CSMD1: variants seen among roughly 807,000 people sequenced by gnomAD.
CSMD1 encodes the protein CUB and sushi domain-containing protein 1.
In CSMD1, 213 loss-of-function variants were observed where a neutral mutation model predicts 417.5. The ratio of observed to expected loss-of-function variants is 0.51; its 90% CI spans 0.46 to 0.57. The LOEUF (loss-of-function observed/expected upper bound fraction) is 0.57, where lower values mean the gene tolerates loss of function less well. Among genes scored for constraint, CSMD1 ranks in the 20% least tolerant of loss-of-function variants. CSMD1 has a pLI of 0.00. For missense variants in CSMD1, 6,923 were observed against 4,529.7 expected, an observed-to-expected ratio of 1.53 and a Z score of -15.17; for synonymous variants, 2,862 against 1,736.8, an observed-to-expected ratio of 1.65 and a Z score of -16.11.
At position 4,355,438 on chromosome 8, in the gene CSMD1, T is replaced by C. The variant is rs534843154; in HGVS notation, c.415+64515A>G. Among the ~76,000 whole-genome samples the C allele has an allele frequency of 1.7e-4, 26 of 152,214 alleles. 1 individual carries two copies. The highest frequency in any genetic ancestry group is 6.0e-4 in the African/African-American group (25 of 41,526). ...CGAATTCAGGTATCTTCTTTATGTG[T>C]TTGCATGTAGGAAAGCATAAATAGC... On this transcript the variant is annotated intron_variant, in intron 3 of 69. Transcript: ENST00000635120.
At chr8:4,339,185 C>T (rs547653600) in intron 3 of CSMD1, among the ~76,000 whole-genome samples, 1 of 152,122 alleles carries the variant, frequency 6.6e-6, no homozygotes, top group Admixed American at 6.6e-5. Context: ...GCTTTATCTC[C>T]TTCAAAGGAG....
intron 2 of CSMD1, among the ~76,000 whole-genome samples, chr8:4,597,988 T>C (rs759015453): frequency 2.0e-5 from 3 of 151,426 alleles, no homozygotes; most frequent in Non-Finnish European, 4.4e-5. Context: ...TTTATTTTTA[T>C]ATAAATTATA....
chr8:3,858,103 A>T (rs1228087431), intron 5 of CSMD1, among the ~76,000 whole-genome samples: 1 of 152,246 alleles, frequency 6.6e-6, no homozygotes, highest in African/African-American at 2.4e-5. Flanking sequence ...GAATTTTAAT[A>T]ACATAGTCAA....
At chr8:3,711,093 C>A (rs1188745428) in intron 6 of CSMD1, among the ~76,000 whole-genome samples, 1 of 152,152 alleles carries the variant, frequency 6.6e-6, no homozygotes, top group Non-Finnish European at 1.5e-5. Flanking sequence ...GCTATATTTC[C>A]TATAGCAATA....
At chr8:3,010,200 C>A (rs1244871076) in intron 52 of CSMD1, among the ~76,000 whole-genome samples, 1 of 152,220 alleles carries the variant, frequency 6.6e-6, no homozygotes, top group Non-Finnish European at 1.5e-5. Context: ...CTTCAGGTTT[C>A]TCCTACAATA....
At chr8:4,470,012 C>A (rs572729502) in intron 2 of CSMD1, among the ~76,000 whole-genome samples, 2 of 151,890 alleles carry the variant, frequency 1.3e-5, no homozygotes, top group Non-Finnish European at 2.9e-5. Context: ...GGATTACAGG[C>A]GCCCGCTAAC....
intron 52 of CSMD1, among the ~76,000 whole-genome samples, chr8:3,008,678 T>C (rs1356156350): frequency 6.6e-6 from 1 of 152,140 alleles, no homozygotes; most frequent in Non-Finnish European, 1.5e-5. Flanking sequence ...CAAAGCTGTG[T>C]TTTAGAGGAG....
At chr8:3,034,257 T>A (rs1473476927) in intron 50 of CSMD1, among the ~76,000 whole-genome samples, 1 of 152,224 alleles carries the variant, frequency 6.6e-6, no homozygotes, top group Non-Finnish European at 1.5e-5. Flanking sequence ...TCGCCCATGC[T>A]TTTTTGTCCT....
In CSMD1 at chr8:4,064,755, C is replaced by A. The variant is rs189531408; in HGVS notation, c.416-32656G>T. On this transcript the variant is annotated intron_variant, in intron 3 of 69. Transcript: ENST00000635120. ...TCACAACCGAGATCTCTCAGTACTG[C>A]TGTGGAAACAATCCAGTCCATTTAG... is the stretch of plus-strand genomic sequence containing the variant. Among the ~76,000 whole-genome samples the A allele has an allele frequency of 2.0e-4, 31 of 152,294 alleles. 2 individuals are homozygous for A. In the East Asian group the frequency reaches 5.6e-3, roughly 28 times the overall value.
In CSMD1 at chr8:3,276,638, C is replaced by T. The variant is rs543791502; in HGVS notation, c.4153+7506G>A. Reference sequence around the variant, plus strand: ...ATTCAAGATAAGTTTTGGGTGGGGACACAGCCAAACCGTATCATTATTAAA... The same window carrying T: ...ATTCAAGATAAGTTTTGGGTGGGGATACAGCCAAACCGTATCATTATTAAA... On this transcript the variant is annotated intron_variant, in intron 26 of 69. Transcript: ENST00000635120. 3.3e-5 allele frequency among the ~76,000 whole-genome samples: 5 copies of T among 152,186 alleles called. No homozygotes were observed. The East Asian group carries it at 7.7e-4, about 24-fold the overall frequency.
At chr8:3,216,729 C>T (rs1013732371) in intron 29 of CSMD1, among the ~76,000 whole-genome samples, 1 of 152,148 alleles carries the variant, frequency 6.6e-6, no homozygotes, top group Non-Finnish European at 1.5e-5. Flanking sequence ...TTGTGTTGTC[C>T]GTGTCCGTTC....
At chr8:3,504,520 A>C (rs1219800628) in intron 10 of CSMD1, among the ~76,000 whole-genome samples, 1 of 152,160 alleles carries the variant, frequency 6.6e-6, no homozygotes, top group African/African-American at 2.4e-5. Flanking sequence ...CCCTTCATAA[A>C]AACCTTGTCA....
intron 2 of CSMD1, among the ~76,000 whole-genome samples, chr8:4,478,944 G>GTC (rs1800944249): frequency 6.6e-6 from 1 of 152,074 alleles, no homozygotes; most frequent in East Asian, 1.9e-4. Context: ...TTAATTCACG[G>GTC]AAATTTTCTC....
intron 3 of CSMD1, among the ~76,000 whole-genome samples, chr8:4,375,090 T>C (rs1802648161): frequency 6.6e-6 from 1 of 151,946 alleles, no homozygotes; most frequent in Non-Finnish European, 1.5e-5. Context: ...TTTCCAGGCA[T>C]GTTCATTGGC....
chr8:3,839,690 G>A (rs1304448273), intron 5 of CSMD1, among the ~76,000 whole-genome samples: 1 of 149,204 alleles, frequency 6.7e-6, no homozygotes, highest in African/African-American at 2.5e-5. Context: ...CTTCATTTGG[G>A]AGCTGTTGTG....
chr8:3,986,320 C>G (rs1278350695), intron 5 of CSMD1, among the ~76,000 whole-genome samples: 1 of 152,102 alleles, frequency 6.6e-6, no homozygotes, highest in Non-Finnish European at 1.5e-5. Flanking sequence ...AGTGAAAACC[C>G]TTCTAGGGTG....
At chr8:3,187,769 T>C (rs576112257) in intron 36 of CSMD1, 100 bp downstream of exon 36, 2 of 828,860 alleles carry the variant, frequency 2.4e-6, no homozygotes, top group Non-Finnish European at 4.0e-6. Flanking sequence ...AAGAATTGTG[T>C]AGGAAAATTT....
At chr8:4,057,551 G>T (rs79121827) in intron 3 of CSMD1, among the ~76,000 whole-genome samples, 1 of 151,806 alleles carries the variant, frequency 6.6e-6, no homozygotes, top group Non-Finnish European at 1.5e-5. Flanking sequence ...GATCCCATTT[G>T]TCAATTTTGG....
intron 3 of CSMD1, among the ~76,000 whole-genome samples, chr8:4,318,621 A>T (rs556223560): frequency 1.3e-5 from 2 of 151,002 alleles, no homozygotes; most frequent in Admixed American, 1.3e-4. Context: ...ATTAGTAATT[A>T]AAAGTGACAC....
Sources: allele counts gnomAD v4.1 joint callset (sites outside exome capture counted in the v4.1 genomes callset), GRCh38; gene constraint gnomAD v4.1.1; transcripts MANE v1.5; gene names NCBI Gene and HGNC (gene_info 2026-07-23, HGNC 2026-07-21).